NTN1: variants seen among roughly 807,000 people sequenced by gnomAD.
NTN1 encodes the protein netrin 1.
A neutral mutation model predicts 54.2 loss-of-function variants in NTN1; 11 were observed. That is an observed-to-expected ratio of 0.20 (90% CI 0.13 to 0.34). The LOEUF (loss-of-function observed/expected upper bound fraction) is 0.34, where lower values mean the gene tolerates loss of function less well. Ranked by LOEUF, NTN1 falls within the 10% of genes least tolerant of loss-of-function variation. NTN1 has a pLI of 1.00. For synonymous variants in NTN1, 371 were observed against 382.0 expected, an observed-to-expected ratio of 0.97 and a Z score of 0.33; for missense variants, 740 against 893.1, an observed-to-expected ratio of 0.83 and a Z score of 2.18.
intron 3 of NTN1, among the ~76,000 whole-genome samples, chr17:9,166,849 C>A (rs2092374856): frequency 6.6e-6 from 1 of 152,178 alleles, no homozygotes; most frequent in African/African-American, 2.4e-5. Context: ...GGGCCGAGGC[C>A]ACCCATATGC....
chr17:9,026,159 C>G (rs893548609), intron 2 of NTN1, among the ~76,000 whole-genome samples: 1 of 152,082 alleles, frequency 6.6e-6, no homozygotes, highest in Non-Finnish European at 1.5e-5. Flanking sequence ...CCCACCCTCC[C>G]GCAAAGAAAA....
intron 2 of NTN1, among the ~76,000 whole-genome samples, chr17:9,063,824 A>G (rs2092006494): frequency 8.3e-6 from 1 of 121,058 alleles, no homozygotes; most frequent in Admixed American, 9.5e-5. Flanking sequence ...CTAGGATTAC[A>G]GGCGTGAGCC....
chr17:9,202,865 T>C lies in NTN1; in HGVS notation c.1412-18303T>C, dbSNP rs544528848. ...CTGTTTGCCTCTGTTCAAAATGATATTGCGATATTCTGCGTCTGTGTTTCA... is the reference window on the plus strand; with the variant it reads ...CTGTTTGCCTCTGTTCAAAATGATACTGCGATATTCTGCGTCTGTGTTTCA... On this transcript the variant is annotated intron_variant, in intron 5 of 6. Coordinates refer to ENST00000173229, the MANE Select transcript of NTN1 (RefSeq NM_004822.3). Among the ~76,000 whole-genome samples the C allele has an allele frequency of 1.8e-4, 27 of 152,318 alleles. No homozygotes were observed. The South Asian group carries it at 2.3e-3, about 13-fold the overall frequency.
intron 2 of NTN1, among the ~76,000 whole-genome samples, chr17:9,154,843 C>T (rs925852962): frequency 2.6e-5 from 4 of 152,166 alleles, no homozygotes; most frequent in African/African-American, 9.7e-5. Flanking sequence ...TGAAACCAGG[C>T]ATCTGCCCAC....
chr17:9,026,401 G>T (rs1229918144), intron 2 of NTN1, among the ~76,000 whole-genome samples: 1 of 146,126 alleles, frequency 6.8e-6, no homozygotes, highest in Non-Finnish European at 1.5e-5. Context: ...CGGGGGGGGG[G>T]AACAAACAAC....
upstream of NTN1, among the ~76,000 whole-genome samples, chr17:9,021,176 G>A (rs530144360): frequency 6.7e-6 from 1 of 150,146 alleles, no homozygotes; most frequent in East Asian, 2.0e-4. Context: ...CCGGGCGTGA[G>A]GCTCTCCGGG....
chr17:9,022,643 G>T lies in NTN1; in HGVS notation c.270G>T (p.Ser90=). ...AGCGCGGCGAGGAGCGGCTGCGCTCGTGCCACCTCTGCAACGCGTCCGACC... is the reference window on the plus strand; with the variant it reads ...AGCGCGGCGAGGAGCGGCTGCGCTCTTGCCACCTCTGCAACGCGTCCGACC... ...VSERGEERLR[S]CHLCNASDPK... Residue 90 remains serine (S), a synonymous_variant, in exon 2 of 7, where the codon TCG becomes TCT. Coordinates refer to ENST00000173229, the MANE Select transcript of NTN1 (RefSeq NM_004822.3). 1 of 1,560,632 alleles carries T rather than the reference G, an allele frequency of 6.4e-7. No individual in the cohort carries two copies. The highest frequency in any genetic ancestry group is 1.2e-5 in the South Asian group (1 of 85,304).
intron 5 of NTN1, among the ~76,000 whole-genome samples, chr17:9,186,532 G>A (rs138712981): frequency 6.6e-6 from 1 of 152,354 alleles, no homozygotes; most frequent in Non-Finnish European, 1.5e-5. Context: ...TCACCCCATC[G>A]GGGCCTTACC....
intron 2 of NTN1, among the ~76,000 whole-genome samples, chr17:9,080,354 A>G (rs1466377567): frequency 6.6e-6 from 1 of 152,010 alleles, no homozygotes; most frequent in Non-Finnish European, 1.5e-5. Context: ...AGCCCTCTAC[A>G]CTTCAGGTCT....
intron 5 of NTN1, among the ~76,000 whole-genome samples, chr17:9,218,578 G>C (rs1383232548): frequency 6.6e-6 from 1 of 152,178 alleles, no homozygotes; most frequent in African/African-American, 2.4e-5. Context: ...TCTAGGCTGG[G>C]ACAGTGACGC....
intron 6 of NTN1, among the ~76,000 whole-genome samples, chr17:9,238,104 T>C (rs1906053624): frequency 1.3e-5 from 2 of 151,946 alleles, no homozygotes; most frequent in South Asian, 2.1e-4. Flanking sequence ...TGCAGGGGGG[T>C]GCCCTCGGAG....
At chr17:9,203,478 G>A (rs1214751863) in intron 5 of NTN1, among the ~76,000 whole-genome samples, 1 of 152,136 alleles carries the variant, frequency 6.6e-6, no homozygotes, top group African/African-American at 2.4e-5. Flanking sequence ...GGGAGGAAAT[G>A]GCTGGTCTCT....
At chr17:9,012,157 C>T in the NTN1 span, among the ~76,000 whole-genome samples, 1 of 152,040 alleles carries the variant, frequency 6.6e-6, no homozygotes, top group Non-Finnish European at 1.5e-5. Context: ...CAAGGCCCTG[C>T]TTGGTCTAGC....
At position 9,242,267 on chromosome 17, in the gene NTN1, G is replaced by C. The variant is rs1239647779; in HGVS notation, c.*2299G>C. The C allele has an allele frequency of 6.6e-6, 1 of 152,312 alleles. No individual in the cohort carries two copies. The highest frequency in any genetic ancestry group is 1.9e-4 in the East Asian group (1 of 5,186). 9.4% of individuals were successfully genotyped at this position (152,312 alleles called of 1,614,324 possible). On this transcript the variant is annotated 3_prime_UTR_variant, in exon 7 of 7. Coordinates refer to ENST00000173229, the MANE Select transcript of NTN1 (RefSeq NM_004822.3). ...GAGCAGACAGACCTGCCCTGGGAAGGGGCATTTGGCTTCCCTGAATCCAGC... is the reference window on the plus strand; with the variant it reads ...GAGCAGACAGACCTGCCCTGGGAAGCGGCATTTGGCTTCCCTGAATCCAGC...
At chr17:9,056,952 C>G (rs954448726) in intron 2 of NTN1, among the ~76,000 whole-genome samples, 1 of 152,090 alleles carries the variant, frequency 6.6e-6, no homozygotes, top group Non-Finnish European at 1.5e-5. Context: ...CTGTGTGCCC[C>G]CCGTCTCGTC....
At chr17:9,032,398 A>G (rs925184044) in intron 2 of NTN1, among the ~76,000 whole-genome samples, 3 of 151,986 alleles carry the variant, frequency 2.0e-5, no homozygotes, top group African/African-American at 7.3e-5. Context: ...AAAGCTTATC[A>G]CTGTCCCTAC....
Position 9,243,345 on chromosome 17 carries a change from T to A in NTN1, c.*3377T>A, listed in dbSNP as rs1906286856. 1.3e-5 allele frequency: 2 copies of A among 152,198 alleles called. No homozygotes were observed. Among genetic ancestry groups the A allele is most frequent in the African/African-American group, 4.8e-5 (2 of 41,372 alleles). 9.4% of individuals were successfully genotyped at this position (152,198 alleles called of 1,614,324 possible). ...CTGGAACTCTGCCTCAGTCGCGGCA[T>A]GCTGGAGAGGGGTACGGACTTACTT... On this transcript the variant is annotated 3_prime_UTR_variant, in exon 7 of 7. Transcript: ENST00000173229.
rs755472501 is a variant in NTN1 at position 9,143,574 on chromosome 17, G to A, written c.1019-19239G>A. 5.9e-4 allele frequency among the ~76,000 whole-genome samples: 90 copies of A among 152,294 alleles called. 1 individual carries two copies. Among genetic ancestry groups the A allele is most frequent in the Non-Finnish European group, 1.1e-3 (77 of 68,038 alleles). On this transcript the variant is annotated intron_variant, in intron 2 of 6. Transcript: ENST00000173229. ...TTCCATGTAAATGGAGAGTAAAGAC[G>A]ATCTAGGGATGGGACTCTCCTGGTG...
intron 5 of NTN1, among the ~76,000 whole-genome samples, chr17:9,187,501 C>T (rs2092436803): frequency 6.6e-6 from 1 of 152,044 alleles, no homozygotes. Context: ...TATACAGGGA[C>T]TATTATTTAG....
Sources: gnomAD v4.1 joint callset for allele counts (sites outside exome capture counted in the v4.1 genomes callset) on GRCh38, gnomAD v4.1.1 for gene constraint, MANE v1.5 for transcripts, NCBI Gene and HGNC (gene_info 2026-07-23, HGNC 2026-07-21) for gene names.